The following CHAF1A variants were observed in gnomAD, a reference collection of about 807,000 sequenced individuals.
CHAF1A encodes the protein chromatin assembly factor 1 subunit A.
A neutral mutation model predicts 93.2 loss-of-function variants in CHAF1A; 5 were observed. The observed-to-expected ratio is 0.05, with a 90% CI of 0.03 to 0.11. CHAF1A has a LOEUF of 0.11. Ranked by LOEUF, CHAF1A falls within the 10% of genes least tolerant of loss-of-function variation. CHAF1A has a pLI of 1.00. For synonymous variants in CHAF1A, 504 were observed against 510.3 expected (o/e 0.99, Z 0.17); for missense variants, 1,102 against 1,259.9 (o/e 0.87, Z 1.90).
chr19:4,431,114 G>A (rs1974174675), intron 11 of CHAF1A: 1 of 158,030 alleles, frequency 6.3e-6, no homozygotes, highest in African/African-American at 2.4e-5. Flanking sequence ...GATTCCATAA[G>A]GTTGTGGAAC....
intron 2 of CHAF1A, among the ~76,000 whole-genome samples, chr19:4,406,433 ATT>A (rs35200206): frequency 1.3e-4 from 17 of 133,194 alleles, no homozygotes; most frequent in African/African-American, 2.5e-4. Context: ...TTGGATTGTA[ATT>A]TTTTTTTTTT....
At chr19:4,439,227 G>A (rs559187418) in intron 13 of CHAF1A, among the ~76,000 whole-genome samples, 1 of 151,602 alleles carries the variant, frequency 6.6e-6, no homozygotes, top group Admixed American at 6.6e-5. Flanking sequence ...TTGCAGTTGA[G>A]CCGAGATTGT....
At position 4,408,949 on chromosome 19, in the gene CHAF1A, C is replaced by T. The variant is rs756494953; in HGVS notation, c.150C>T (p.Ala50=). ...KRLNLVPKGK[A]DDMSDDQGTS... is the part of the protein sequence containing the mutation. Reference sequence around the variant, plus strand: ...TGAATCTTGTCCCAAAGGGGAAAGCCGATGACATGTCAGACGATCAGGGTA... The same window carrying T: ...TGAATCTTGTCCCAAAGGGGAAAGCTGATGACATGTCAGACGATCAGGGTA... Residue 50 remains alanine (A), a synonymous_variant, in exon 3 of 15, where the codon GCC becomes GCT. Coordinates refer to ENST00000301280, the MANE Select transcript of CHAF1A (RefSeq NM_005483.3). 3.7e-6 allele frequency: 6 copies of T among 1,613,144 alleles called. No individual in the cohort carries two copies. The highest frequency in any genetic ancestry group is 4.2e-6 in the Non-Finnish European group (5 of 1,179,828).
At chr19:4,405,608 CAAAAA>C (rs35526816) in intron 1 of CHAF1A, among the ~76,000 whole-genome samples, 1 of 91,946 alleles carries the variant, frequency 1.1e-5, no homozygotes. Context: ...ACTCTGTCTC[CAAAAA>C]AAAAAAAAAA....
intron 1 of CHAF1A, 52 bp downstream of exon 1, chr19:4,402,866 A>G (rs1973609452): frequency 8.9e-7 from 1 of 1,119,150 alleles, no homozygotes; most frequent in African/African-American, 1.6e-5. Flanking sequence ...CGCGGCCTGG[A>G]CGGGCCGAGG....
chr19:4,450,555 G>C, the CHAF1A span: 15 of 152,016 alleles, frequency 9.9e-5, no homozygotes, highest in Admixed American at 7.2e-4. Context: ...TCAGGAGATC[G>C]AGACCATCCT....
rs770403916 is a variant in CHAF1A at position 4,430,525 on chromosome 19, C to G, written c.1855-24C>G. ...ACACTCTGCTTTTCTATCTGATGAA[C>G]TCTTTTTTTTTTCTCCTTTTGAGGA... On this transcript the variant is annotated intron_variant, in intron 10 of 14. Transcript: ENST00000301280. 4.7e-6 allele frequency: 7 copies of G among 1,497,244 alleles called. No individual in the cohort carries two copies. In the South Asian group the frequency reaches 7.9e-5, roughly 17 times the overall value. 92.7% of individuals were successfully genotyped at this position (1,497,244 alleles called of 1,614,324 possible). A position where few individuals can be genotyped will look rare whatever the true frequency, so the allele number is the denominator to read the frequency against.
chr19:4,424,225 G>A (rs886085333), intron 7 of CHAF1A, among the ~76,000 whole-genome samples: 1 of 152,174 alleles, frequency 6.6e-6, no homozygotes, highest in African/African-American at 2.4e-5. Flanking sequence ...AATTCACAAA[G>A]GTTTACTTTC....
intron 13 of CHAF1A, among the ~76,000 whole-genome samples, chr19:4,436,724 G>C (rs1420412402): frequency 2.0e-5 from 3 of 152,066 alleles, no homozygotes; most frequent in Non-Finnish European, 1.5e-5. Context: ...GGCCCTGGAC[G>C]GCCTCCTTCC....
rs1227203098 is a variant in CHAF1A at position 4,429,569 on chromosome 19, C to T, written c.1736C>T (p.Ala579Val). The change falls in exon 9 of 15, where the codon GCA (alanine) becomes GTA (valine). Residue 579 changes from alanine (A) to valine (V), a missense_variant. This residue lies in a region of CHAF1A where 335 missense variants were observed against 361.9 expected (regional missense o/e 0.93). Coordinates refer to ENST00000301280, the MANE Select transcript of CHAF1A (RefSeq NM_005483.3). ...TGGGGTACCTGGAATAAGAAGACGG[C>T]ACTCATCCGCGCGCGAGACCCCTGG... The part of the protein sequence containing the change: ...AYWGTWNKKT[A>V]LIRARDPWAQ... 1 of 1,614,098 alleles carries T rather than the reference C, an allele frequency of 6.2e-7. No homozygotes were observed. Among genetic ancestry groups the T allele is most frequent in the Non-Finnish European group, 8.5e-7 (1 of 1,180,014 alleles).
intron 3 of CHAF1A, among the ~76,000 whole-genome samples, chr19:4,410,745 G>A (rs965371136): frequency 2.0e-5 from 3 of 152,140 alleles, no homozygotes; most frequent in Admixed American, 1.3e-4. Flanking sequence ...CAGCCACCTG[G>A]GAAACTGAGG....
At chr19:4,405,605 C>T (rs1753723219) in intron 1 of CHAF1A, among the ~76,000 whole-genome samples, 1 of 146,866 alleles carries the variant, frequency 6.8e-6, no homozygotes, top group Non-Finnish European at 1.5e-5. Context: ...GAGACTCTGT[C>T]TCCAAAAAAA....
chr19:4,430,230 T>C (rs2145126036), intron 10 of CHAF1A: 1 of 359,524 alleles, frequency 2.8e-6, no homozygotes, highest in Non-Finnish European at 5.2e-6. Flanking sequence ...CAGGCTGGAG[T>C]GCAGTGGCGC....
At chr19:4,443,461 C>T (rs541970425), downstream of CHAF1A, 5 of 181,698 alleles carry the variant, frequency 2.8e-5, no homozygotes, top group South Asian at 2.1e-4. Context: ...GCCCATGGCC[C>T]GGCCCCATGT....
rs745940867 is a variant in CHAF1A at position 4,431,945 on chromosome 19, C to T, written c.1948-7C>T. 2 of 1,598,960 alleles carry T rather than the reference C, an allele frequency of 1.3e-6. No homozygotes were observed. Among genetic ancestry groups the T allele is most frequent in the East Asian group, 2.2e-5 (1 of 44,546 alleles). ...CCCAAATAAACTTCTGCTTTCTAAA[C>T]CACAAGGAGTGTGCCGACCCTGAGA... On this transcript the variant is annotated splice_region_variant and splice_polypyrimidine_tract_variant and intron_variant, in intron 11 of 14. Transcript: ENST00000301280.
chr19:4,414,472 T>C (rs1483690334), intron 3 of CHAF1A, among the ~76,000 whole-genome samples: 6 of 152,128 alleles, frequency 3.9e-5, no homozygotes, highest in African/African-American at 7.2e-5. Context: ...TTGCCATTAT[T>C]ATCATCATCA....
At position 4,402,737 on chromosome 19, in the gene CHAF1A, G is replaced by C; in HGVS notation, c.-26G>C. 8.3e-7 allele frequency: 1 copy of C among 1,199,186 alleles called. No individual in the cohort carries two copies. The highest frequency in any genetic ancestry group is 1.0e-6 in the Non-Finnish European group (1 of 966,486). The allele number at this position is 1,199,186 out of a possible 1,614,324, so 74.3% of individuals were successfully genotyped here. A position where few individuals can be genotyped will look rare whatever the true frequency, so the allele number is the denominator to read the frequency against. On this transcript the variant is annotated 5_prime_UTR_variant, in exon 1 of 15. Coordinates refer to ENST00000301280, the MANE Select transcript of CHAF1A (RefSeq NM_005483.3). Reference sequence around the variant, plus strand: ...GGGAGCCCGCGCCTCCGCCGCCTGAGAGGAGGTCGAGCTGCCGCCGGGGCG... The same window carrying C: ...GGGAGCCCGCGCCTCCGCCGCCTGACAGGAGGTCGAGCTGCCGCCGGGGCG...
intron 7 of CHAF1A, among the ~76,000 whole-genome samples, chr19:4,428,076 T>C (rs1974116958): frequency 6.6e-6 from 1 of 151,186 alleles, no homozygotes; most frequent in Non-Finnish European, 1.5e-5. Flanking sequence ...CAGGCTGGTC[T>C]CGAACTCCTG....
intron 4 of CHAF1A, among the ~76,000 whole-genome samples, chr19:4,421,457 T>C (rs1320730114): frequency 1.3e-5 from 2 of 152,186 alleles, no homozygotes; most frequent in Admixed American, 1.3e-4. Context: ...TTTCTCATGA[T>C]GGAAGGAAGC....
Sources: gnomAD v4.1 joint callset for allele counts (sites outside exome capture counted in the v4.1 genomes callset) on GRCh38, gnomAD v4.1.1 for gene constraint, gnomAD v4.1.1 regional missense constraint, MANE v1.5 for transcripts, NCBI Gene and HGNC (gene_info 2026-07-23, HGNC 2026-07-21) for gene names.